NRG3: variants seen among roughly 807,000 people sequenced by gnomAD.
NRG3 encodes neuregulin 3, also known as pro-neuregulin-3, membrane-bound isoform.
In NRG3, 31 loss-of-function variants were observed where a neutral mutation model predicts 66.9. The ratio of observed to expected loss-of-function variants is 0.46; its 90% confidence interval spans 0.35 to 0.63. The LOEUF is 0.63. Among genes scored for constraint, NRG3 ranks in the 20% least tolerant of loss-of-function variants. The pLI, the probability that NRG3 is intolerant of heterozygous loss-of-function variation, is 0.00. For synonymous variants in NRG3, 393 were observed against 359.4 expected (o/e 1.09, Z -1.06); for missense variants, 910 against 878.9 (o/e 1.04, Z -0.45).
chr10:82,347,003 T>C (rs1315175631), intron 1 of NRG3, among the ~76,000 whole-genome samples: 1 of 151,988 alleles, frequency 6.6e-6, no homozygotes, highest in Non-Finnish European at 1.5e-5. Flanking sequence ...TTGTTGATCC[T>C]TTCAAAAAAA....
At chr10:82,692,644 C>T (rs1276006793) in intron 2 of NRG3, among the ~76,000 whole-genome samples, 1 of 152,210 alleles carries the variant, frequency 6.6e-6, no homozygotes, top group Admixed American at 6.5e-5. Context: ...GCGTGAATTC[C>T]TGGTGGCTCC....
At chr10:81,886,211 T>A (rs1231377630) in intron 1 of NRG3, among the ~76,000 whole-genome samples, 1 of 152,130 alleles carries the variant, frequency 6.6e-6, no homozygotes, top group African/African-American at 2.4e-5. Flanking sequence ...AAATGCCCAC[T>A]CCATGCCGAG....
chr10:82,465,869 G>A (rs998870587), intron 2 of NRG3, among the ~76,000 whole-genome samples: 3 of 152,198 alleles, frequency 2.0e-5, no homozygotes, highest in African/African-American at 7.2e-5. Context: ...GAGTCATGAA[G>A]TTTGGATGAG....
At chr10:82,363,879 G>T (rs1345138936) in intron 2 of NRG3, among the ~76,000 whole-genome samples, 2 of 152,022 alleles carry the variant, frequency 1.3e-5, no homozygotes, top group East Asian at 3.9e-4. Flanking sequence ...GAATATATTT[G>T]TACATTGAAT....
chr10:81,875,460 C>G lies in NRG3; in HGVS notation c.120C>G (p.Gly40=). 1 of 1,239,564 alleles carries G rather than the reference C, an allele frequency of 8.1e-7. No individual in the cohort carries two copies. The highest frequency in any genetic ancestry group is 1.0e-6 in the Non-Finnish European group (1 of 991,088). 76.8% of individuals were successfully genotyped at this position (1,239,564 alleles called of 1,614,324 possible). Residue 40 remains glycine (G), a synonymous_variant, in exon 1 of 9, where the codon GGC becomes GGG. Transcript: ENST00000372141. The surrounding 1 kb of genome is among the most constrained non-coding windows in gnomAD (Gnocchi z 5.3). Reference sequence around the variant, plus strand: ...CAGCGGCGGGCGGGGGCCCGGACGGCGGCGGCGAAGGGGCGGCCGAGCCCC... The same window carrying G: ...CAGCGGCGGGCGGGGGCCCGGACGGGGGCGGCGAAGGGGCGGCCGAGCCCC... The part of the protein sequence containing the change: ...AAAAAGGGPD[G]GGEGAAEPPR...
chr10:82,662,403 T>C (rs975012288), intron 2 of NRG3, among the ~76,000 whole-genome samples: 1 of 151,862 alleles, frequency 6.6e-6, no homozygotes, highest in African/African-American at 2.4e-5. Context: ...AATTCACAGA[T>C]TGTATTTATA....
intron 1 of NRG3, among the ~76,000 whole-genome samples, chr10:81,918,752 T>G (rs563323939): frequency 1.1e-4 from 16 of 152,116 alleles, no homozygotes; most frequent in African/African-American, 3.9e-4. Flanking sequence ...TGCTGTTAAT[T>G]TTTTCTCTGT....
chr10:82,391,992 GCAAAAAAAAAAAAAAAAA>G (rs1358458309), intron 2 of NRG3, among the ~76,000 whole-genome samples: 1 of 47,038 alleles, frequency 2.1e-5, no homozygotes, highest in East Asian at 5.7e-4. Context: ...TCGAGCACAT[GCAAAAAAAAAAAAAAAAA>G]CAAAAAAAAA....
At chr10:82,309,088 T>G (rs763107356) in intron 1 of NRG3, among the ~76,000 whole-genome samples, 2 of 152,218 alleles carry the variant, frequency 1.3e-5, no homozygotes, top group Non-Finnish European at 2.9e-5. Flanking sequence ...AGACAGGTCT[T>G]GCCAATATCC....
At chr10:82,049,766 A>G (rs1054730657) in intron 1 of NRG3, among the ~76,000 whole-genome samples, 1 of 151,970 alleles carries the variant, frequency 6.6e-6, no homozygotes, top group Admixed American at 6.6e-5. Context: ...AATAGCTGCA[A>G]TAGATGGATA....
chr10:82,697,466 A>G (rs2055481371), intron 2 of NRG3, among the ~76,000 whole-genome samples: 1 of 152,196 alleles, frequency 6.6e-6, no homozygotes. Flanking sequence ...AAATTCGTTC[A>G]TGAACTTTTT....
rs771132684 is a variant in NRG3 at position 81,904,027 on chromosome 10, G to T, written c.823+27864G>T. Among the ~76,000 whole-genome samples the T allele has an allele frequency of 1.0e-3, 148 of 148,034 alleles. 1 individual carries two copies. Among genetic ancestry groups the T allele is most frequent in the Non-Finnish European group, 1.5e-3 (100 of 67,084 alleles). On this transcript the variant is annotated intron_variant, in intron 1 of 8. Coordinates refer to ENST00000372141, the MANE Select transcript of NRG3 (RefSeq NM_001010848.4). ...TTTTTTTGTTTGTTTGTTTGTTTTG[G>T]AGACGAAGTTTCACTCTTGTCACCC... is the stretch of plus-strand genomic sequence containing the variant.
chr10:82,156,141 G>T (rs1564617269), intron 1 of NRG3, among the ~76,000 whole-genome samples: 1 of 151,460 alleles, frequency 6.6e-6, no homozygotes, highest in African/African-American at 2.4e-5. Flanking sequence ...TATTAAATTG[G>T]ACATACATCA....
At chr10:82,874,684 G>A (rs1473244898) in intron 4 of NRG3, among the ~76,000 whole-genome samples, 2 of 152,000 alleles carry the variant, frequency 1.3e-5, no homozygotes, top group African/African-American at 2.4e-5. Context: ...TATTTATATC[G>A]CTATCTTACA....
intron 3 of NRG3, among the ~76,000 whole-genome samples, chr10:82,835,962 G>C (rs182118994): frequency 3.5e-4 from 54 of 152,262 alleles, no homozygotes; most frequent in Non-Finnish European, 4.7e-4. Context: ...TTTAGAGCGA[G>C]GGTTAGCAAA....
intron 1 of NRG3, among the ~76,000 whole-genome samples, chr10:82,181,036 C>A (rs1577624): frequency 0.084 from 12,762 of 151,584 alleles, 831 homozygotes; most frequent in East Asian, 0.22. Flanking sequence ...TTTAGTTTAT[C>A]CCATTTGTTG....
At chr10:82,770,171 A>G (rs1006499497) in intron 3 of NRG3, among the ~76,000 whole-genome samples, 3 of 152,284 alleles carry the variant, frequency 2.0e-5, no homozygotes, top group Admixed American at 1.3e-4. Flanking sequence ...TGAAAATGAA[A>G]TAGCAGCATG....
rs555631746 is a variant in NRG3, at chr10:82,097,129, C to G, written c.823+220966C>G. 7.2e-5 allele frequency among the ~76,000 whole-genome samples: 11 copies of G among 151,968 alleles called. No homozygotes were observed. The South Asian group carries it at 2.3e-3, about 32-fold the overall frequency. On this transcript the variant is annotated intron_variant, in intron 1 of 8. Coordinates refer to ENST00000372141, the MANE Select transcript of NRG3 (RefSeq NM_001010848.4). The stretch of plus-strand genomic sequence containing the variant: ...TTTTCAATCTCTGGCAACTGTGTCG[C>G]TATAATTTTGTTACCTGTTCCTATA...
At chr10:82,241,916 T>C (rs191588283) in intron 1 of NRG3, among the ~76,000 whole-genome samples, 1 of 152,276 alleles carries the variant, frequency 6.6e-6, no homozygotes, top group Admixed American at 6.5e-5. Context: ...TCTCACCATA[T>C]GACTCTGAGA....
Sources: gnomAD v4.1 joint callset for allele counts (sites outside exome capture counted in the v4.1 genomes callset) on GRCh38, gnomAD v4.1.1 for gene constraint, Gnocchi (gnomAD v3.1) non-coding constraint, MANE v1.5 for transcripts, NCBI Gene and HGNC (gene_info 2026-07-23, HGNC 2026-07-21) for gene names.